CPOX: variants seen among roughly 807,000 people sequenced by gnomAD.
CPOX encodes the protein oxygen-dependent coproporphyrinogen-III oxidase, mitochondrial.
In CPOX, 24 loss-of-function variants were observed where a neutral mutation model predicts 48.9. The ratio of observed to expected loss-of-function variants is 0.49; its 90% confidence interval spans 0.36 to 0.69. The LOEUF is 0.69. Ranked by LOEUF, CPOX falls within the 30% of genes least tolerant of loss-of-function variation. CPOX has a pLI of 0.00. For synonymous variants in CPOX, 249 were observed against 234.6 expected (o/e 1.06, Z -0.56); for missense variants, 549 against 597.3 (o/e 0.92, Z 0.84).
the CPOX span, among the ~76,000 whole-genome samples, chr3:98,572,365 T>A: frequency 6.6e-6 from 1 of 152,218 alleles, no homozygotes; most frequent in African/African-American, 2.4e-5. Context: ...TGTACTTGCC[T>A]GGTATAGCTA....
rs1461681973 is a variant in CPOX, at chr3:98,581,430, C to T, written c.1254G>A (p.Leu418=). The part of the protein sequence containing the change: ...FTPGSRIESI[L]MSLPLTARWE... ...ACCGGGCAGTTAGAGGTAAAGACAT[C>T]AAGATACTTTCAATTCTGGATCCTG... The change falls in exon 6 of 7, where the codon TTG becomes TTA. Residue 418 remains leucine, a synonymous_variant. Transcript: ENST00000647941. The T allele has an allele frequency of 6.2e-7, 1 of 1,613,716 alleles. No homozygotes were observed. Among genetic ancestry groups the T allele is most frequent in the Non-Finnish European group, 8.5e-7 (1 of 1,179,778 alleles).
chr3:98,572,804 C>T, the CPOX span, among the ~76,000 whole-genome samples: 1 of 152,180 alleles, frequency 6.6e-6, no homozygotes, highest in Non-Finnish European at 1.5e-5. Context: ...TTTATCAAGA[C>T]ATTCTGCTTT....
At chr3:98,590,833 T>C (rs776828217) in intron 2 of CPOX, 91 bp from the exon 3 acceptor site, 20 of 1,253,256 alleles carry the variant, frequency 1.6e-5, no homozygotes, top group Non-Finnish European at 2.1e-5. Context: ...AAGTCAATTT[T>C]CAAAAGCTGC....
At chr3:98,583,991 A>G (rs142479605) in intron 5 of CPOX, among the ~76,000 whole-genome samples, 9 of 152,342 alleles carry the variant, frequency 5.9e-5, no homozygotes, top group Admixed American at 1.3e-4. Flanking sequence ...AGTTCTGCCT[A>G]TCTCATGACA....
the CPOX span, among the ~76,000 whole-genome samples, chr3:98,570,663 T>C: frequency 6.6e-6 from 1 of 152,180 alleles, no homozygotes; most frequent in African/African-American, 2.4e-5. Context: ...CTTAAAAGAT[T>C]TTAATTAAAT....
downstream of CPOX, among the ~76,000 whole-genome samples, chr3:98,578,463 GTATTATTCACA>G (rs1707193756): frequency 2.6e-5 from 4 of 152,104 alleles, no homozygotes. Flanking sequence ...ATTTATTGAA[GTATTATTCACA>G]TATACAATAA....
the CPOX span, among the ~76,000 whole-genome samples, chr3:98,573,464 TTC>T: frequency 6.6e-6 from 1 of 152,206 alleles, no homozygotes; most frequent in Admixed American, 6.5e-5. Flanking sequence ...TCTCCTCTTT[TTC>T]TGTCCTGTTC....
intron 3 of CPOX, chr3:98,590,431 G>A: frequency 1.6e-6 from 1 of 617,062 alleles, no homozygotes; most frequent in Non-Finnish European, 3.0e-6. Context: ...TTACAGGTAT[G>A]AGCCACCAAG....
At chr3:98,590,425 A>C (rs1036804001) in intron 3 of CPOX, 13 of 601,466 alleles carry the variant, frequency 2.2e-5, no homozygotes, top group African/African-American at 3.7e-5. Context: ...CTGGGATTAC[A>C]GGTATGAGCC....
downstream of CPOX, among the ~76,000 whole-genome samples, chr3:98,577,109 T>C (rs1334385546): frequency 6.6e-6 from 1 of 151,900 alleles, no homozygotes. Context: ...CAAGCAGAGA[T>C]AGCAGCAGCC....
At chr3:98,577,815 C>T (rs940312562), downstream of CPOX, among the ~76,000 whole-genome samples, 2 of 152,206 alleles carry the variant, frequency 1.3e-5, no homozygotes, top group African/African-American at 4.8e-5. Flanking sequence ...CACCTATGTA[C>T]AGACATGCAA....
chr3:98,583,634 G>A (rs1707301583), intron 5 of CPOX, among the ~76,000 whole-genome samples: 2 of 152,184 alleles, frequency 1.3e-5, no homozygotes, highest in African/African-American at 4.8e-5. Context: ...TTCAAGGTCT[G>A]GGGGAGGATA....
At chr3:98,573,355 T>G in the CPOX span, among the ~76,000 whole-genome samples, 1 of 152,242 alleles carries the variant, frequency 6.6e-6, no homozygotes. Context: ...CATGCTTGAT[T>G]AAATATGTAA....
intron 1 of CPOX, among the ~76,000 whole-genome samples, chr3:98,591,965 CCA>C (rs1491188055): frequency 1.7e-5 from 1 of 59,498 alleles, no homozygotes; most frequent in African/African-American, 7.9e-5. Flanking sequence ...TATATTCCAT[CCA>C]TATATATATA....
At chr3:98,585,078 A>G (rs1380684512) in intron 5 of CPOX, among the ~76,000 whole-genome samples, 1 of 152,230 alleles carries the variant, frequency 6.6e-6, no homozygotes, top group Non-Finnish European at 1.5e-5. Context: ...TGAAATCTTT[A>G]AGATGAATGA....
At chr3:98,583,383 G>A (rs1411745615) in intron 5 of CPOX, among the ~76,000 whole-genome samples, 3 of 152,078 alleles carry the variant, frequency 2.0e-5, no homozygotes, top group African/African-American at 7.2e-5. Flanking sequence ...CATAATAAAA[G>A]TAGTGTTGAG....
intron 4 of CPOX, among the ~76,000 whole-genome samples, chr3:98,586,255 A>G (rs1282065921): frequency 6.6e-6 from 1 of 152,214 alleles, no homozygotes; most frequent in East Asian, 1.9e-4. Context: ...CTTTAGTGAA[A>G]AGAGAAACAG....
At position 98,580,546 on chromosome 3, in the gene CPOX, T is replaced by C; in HGVS notation, c.*137A>G. On this transcript the variant is annotated 3_prime_UTR_variant, in exon 7 of 7. Coordinates refer to ENST00000647941, the MANE Select transcript of CPOX (RefSeq NM_000097.7). Reference sequence around the variant, plus strand: ...TGACAGCATCCAAAACATGTTATCATCTGCCCACGAGGTAGGGTGCAGAGT... The same window carrying C: ...TGACAGCATCCAAAACATGTTATCACCTGCCCACGAGGTAGGGTGCAGAGT... 1 of 1,515,862 alleles carries C rather than the reference T, an allele frequency of 6.6e-7. No individual in the cohort carries two copies. The highest frequency in any genetic ancestry group is 8.8e-7 in the Non-Finnish European group (1 of 1,132,568). The allele number at this position is 1,515,862 out of a possible 1,614,324, so 93.9% of individuals were successfully genotyped here. A position where few individuals can be genotyped will look rare whatever the true frequency, so the allele number is the denominator to read the frequency against.
chr3:98,590,436 A>C (rs1342848550), intron 3 of CPOX, 196 bp downstream of exon 3: 1 of 628,370 alleles, frequency 1.6e-6, no homozygotes, highest in African/African-American at 1.8e-5. Context: ...GGTATGAGCC[A>C]CCAAGCCTGG....
Sources: gnomAD v4.1 joint callset for allele counts (sites outside exome capture counted in the v4.1 genomes callset) on GRCh38, gnomAD v4.1.1 for gene constraint, MANE v1.5 for transcripts, NCBI Gene and HGNC (gene_info 2026-07-23, HGNC 2026-07-21) for gene names.